Variants in CARM1 observed in about 807,000 individuals in gnomAD.
The protein encoded by CARM1 is coactivator associated arginine methyltransferase 1.
CARM1 carries 14 observed loss-of-function variants against 72.7 expected under a neutral mutation model. That is an observed-to-expected ratio of 0.19 (90% CI 0.13 to 0.30). The LOEUF (loss-of-function observed/expected upper bound fraction) is 0.30. Ranked by LOEUF, CARM1 falls within the 10% of genes least tolerant of loss-of-function variation. The probability of loss-of-function intolerance (pLI) is 1.00; values close to 1 mark genes in which losing one functional copy is unlikely to be tolerated. For synonymous variants in CARM1, 333 were observed against 345.5 expected (o/e 0.96, Z 0.40); for missense variants, 432 against 833.7 (o/e 0.52, Z 5.93).
At chr19:10,903,767 C>T (rs564168663) in intron 1 of CARM1, among the ~76,000 whole-genome samples, 1 of 152,172 alleles carries the variant, frequency 6.6e-6, no homozygotes, top group Non-Finnish European at 1.5e-5. Flanking sequence ...CAAGGTCTTG[C>T]TCTGTCACCC....
At chr19:10,877,375 T>C (rs2073872334) in intron 1 of CARM1, among the ~76,000 whole-genome samples, 1 of 152,238 alleles carries the variant, frequency 6.6e-6, no homozygotes, top group African/African-American at 2.4e-5. Flanking sequence ...GGCAGTGATA[T>C]AAATTAGGCC....
intron 1 of CARM1, among the ~76,000 whole-genome samples, chr19:10,881,030 G>C (rs1421621595): frequency 6.6e-6 from 1 of 152,154 alleles, no homozygotes. Context: ...AGCCGGCATG[G>C]TGGCACATGC....
chr19:10,884,067 G>A (rs1263992082), intron 1 of CARM1, among the ~76,000 whole-genome samples: 1 of 147,358 alleles, frequency 6.8e-6, no homozygotes, highest in Non-Finnish European at 1.5e-5. Flanking sequence ...TACGGGCCAG[G>A]TGCAGTGGCT....
chr19:10,882,026 C>G (rs2073905646), intron 1 of CARM1, among the ~76,000 whole-genome samples: 1 of 152,068 alleles, frequency 6.6e-6, no homozygotes, highest in Non-Finnish European at 1.5e-5. Flanking sequence ...CAGAGTCGTG[C>G]TTGTGGTAAG....
intron 4 of CARM1, among the ~76,000 whole-genome samples, chr19:10,911,944 C>T (rs562281014): frequency 9.2e-5 from 14 of 152,338 alleles, no homozygotes; most frequent in African/African-American, 2.4e-4. Flanking sequence ...CCAGACGATC[C>T]GGAGGCCTGC....
At chr19:10,906,584 C>T (rs894532602) in intron 2 of CARM1, among the ~76,000 whole-genome samples, 2 of 151,988 alleles carry the variant, frequency 1.3e-5, no homozygotes, top group African/African-American at 4.8e-5. Context: ...TGCCTCAGCG[C>T]CCTGAGTAGC....
At position 10,920,618 on chromosome 19, in the gene CARM1, C is replaced by T; in HGVS notation, c.1335-41C>T. 1 of 1,614,030 alleles carries T rather than the reference C, an allele frequency of 6.2e-7. No homozygotes were observed. ...CTGGTGGTGGTGGGCAGGGGTCCAT[C>T]TGCCCAGCAGCTCATGCCACGGCCT... On this transcript the variant is annotated intron_variant, in intron 11 of 15. Coordinates refer to ENST00000327064, the MANE Select transcript of CARM1 (RefSeq NM_199141.2). This position sits in a 1 kb window ranked among gnomAD's most constrained non-coding sequence, Gnocchi z 5.3.
At chr19:10,905,494 G>A (rs1213898011) in intron 2 of CARM1, among the ~76,000 whole-genome samples, 1 of 152,208 alleles carries the variant, frequency 6.6e-6, no homozygotes, top group Admixed American at 6.5e-5. Context: ...CACCTTGGGG[G>A]CACAGGTGGA....
intron 2 of CARM1, among the ~76,000 whole-genome samples, chr19:10,906,388 C>T (rs999279909): frequency 1.5e-4 from 23 of 152,254 alleles, no homozygotes; most frequent in Non-Finnish European, 3.2e-4. Flanking sequence ...TGGTAGCAAG[C>T]AGCACATTAA....
At chr19:10,918,373 G>C (rs926035423) in intron 8 of CARM1, among the ~76,000 whole-genome samples, 15 of 152,032 alleles carry the variant, frequency 9.9e-5, no homozygotes, top group African/African-American at 3.4e-4. Flanking sequence ...CTATAGGAGT[G>C]TGCCACCATG....
intron 1 of CARM1, among the ~76,000 whole-genome samples, chr19:10,900,291 C>T (rs767351544): frequency 6.6e-6 from 1 of 152,164 alleles, no homozygotes; most frequent in South Asian, 2.1e-4. Context: ...TACAATGTTG[C>T]ATAACAATCA....
rs1046170538 is a variant in CARM1 at position 10,903,361 on chromosome 19, T to G, written c.221-1590T>G. Among the ~76,000 whole-genome samples, 9 of 152,224 alleles carry G rather than the reference T, an allele frequency of 5.9e-5. No homozygotes were observed. The East Asian group carries it at 1.5e-3, about 26-fold the overall frequency. ...CTATTCAGGGTGATTGAGAACACTTTGCCATATTTGCACTCATGTTGTTGT... is the reference window on the plus strand; with the variant it reads ...CTATTCAGGGTGATTGAGAACACTTGGCCATATTTGCACTCATGTTGTTGT... On this transcript the variant is annotated intron_variant, in intron 1 of 15. Coordinates refer to ENST00000327064, the MANE Select transcript of CARM1 (RefSeq NM_199141.2).
chr19:10,890,150 G>A (rs530788251), intron 1 of CARM1, among the ~76,000 whole-genome samples: 44 of 152,242 alleles, frequency 2.9e-4, no homozygotes, highest in African/African-American at 1.1e-3. Flanking sequence ...TACTCAGGTG[G>A]CTGAGGCAGG....
At chr19:10,907,820 T>C (rs2074115998) in intron 2 of CARM1, among the ~76,000 whole-genome samples, 1 of 152,222 alleles carries the variant, frequency 6.6e-6, no homozygotes, top group African/African-American at 2.4e-5. Flanking sequence ...ACATGCAGGC[T>C]ACCTGCCCTC....
Position 10,923,043 on chromosome 19 carries a change from A to G in CARM1, c.*1286A>G, listed in dbSNP as rs539486417. 4 of 448,640 alleles carry G rather than the reference A, an allele frequency of 8.9e-6. No homozygotes were observed. The highest frequency in any genetic ancestry group is 8.5e-5 in the East Asian group (2 of 23,584). The allele number at this position is 448,640 out of a possible 1,614,324, so 27.8% of individuals were successfully genotyped here. On this transcript the variant is annotated 3_prime_UTR_variant, in exon 16 of 16. Transcript: ENST00000327064. ...TATAAATTCTCTGAATCACCTTTGC[A>G]TAGAAAATAAAAGTGTTTGCTTTGT...
chr19:10,920,403 C>T lies in CARM1; in HGVS notation c.1197-33C>T. 1.9e-6 allele frequency: 3 copies of T among 1,593,906 alleles called. No individual in the cohort carries two copies. Among genetic ancestry groups the T allele is most frequent in the Non-Finnish European group, 1.7e-6 (2 of 1,165,042 alleles). ...TGGTGGCTCCAGTGGTGGCGCCGGC[C>T]CAGTCAAGTATGTGCCTGTCCCTGC... On this transcript the variant is annotated intron_variant, in intron 10 of 15. Transcript: ENST00000327064. This position sits in a 1 kb window ranked among gnomAD's most constrained non-coding sequence, Gnocchi z 5.3.
chr19:10,920,059 G>T lies in CARM1; in HGVS notation c.1196+93G>T. 4 of 946,584 alleles carry T rather than the reference G, an allele frequency of 4.2e-6. No individual in the cohort carries two copies. The highest frequency in any genetic ancestry group is 1.6e-5 in the African/African-American group (1 of 62,610). The allele number at this position is 946,584 out of a possible 1,614,324, so 58.6% of individuals were successfully genotyped here. On this transcript the variant is annotated intron_variant, in intron 10 of 15. Coordinates refer to ENST00000327064, the MANE Select transcript of CARM1 (RefSeq NM_199141.2). The surrounding 1 kb of genome is among the most constrained non-coding windows in gnomAD (Gnocchi z 5.3). ...GCTGGGGGGGTGGAACATGGCTCCA[G>T]GTTCCACCATCCCTTCCAATGGGAG...
In CARM1 at chr19:10,909,170, G is replaced by A; in HGVS notation, c.521G>A (p.Arg174His). The A allele has an allele frequency of 3.1e-6, 5 of 1,613,826 alleles. No homozygotes were observed. Among genetic ancestry groups the A allele is most frequent in the South Asian group, 1.1e-5 (1 of 91,072 alleles). ...TACGTGCGGACAGGCACCTACCAGC[G>A]CGCCATCCTGCAAAACCACACCGAC... is the stretch of plus-strand genomic sequence containing the variant. ...QDYVRTGTYQ[R>H]AILQNHTDFK... Residue 174 changes from arginine (R) to histidine (H), a missense_variant, in exon 4 of 16, where the codon CGC becomes CAC. By Grantham distance (29) the Arg-to-His change is conservative. Transcript: ENST00000327064.
At chr19:10,873,627 T>G (rs1050003387) in intron 1 of CARM1, among the ~76,000 whole-genome samples, 2 of 66,500 alleles carry the variant, frequency 3.0e-5, no homozygotes, top group South Asian at 6.1e-4. Flanking sequence ...TAGTTTAGTT[T>G]TTTTTTTTTT....
Sources: allele counts gnomAD v4.1 joint callset (sites outside exome capture counted in the v4.1 genomes callset), GRCh38; gene constraint gnomAD v4.1.1; non-coding constraint Gnocchi (gnomAD v3.1); transcripts MANE v1.5; gene names NCBI Gene and HGNC (gene_info 2026-07-23, HGNC 2026-07-21).